MDGA2: variants seen among roughly 807,000 people sequenced by gnomAD.
The protein encoded by MDGA2 is MAM domain-containing glycosylphosphatidylinositol anchor protein 2.
In MDGA2, 40 loss-of-function variants were observed where a neutral mutation model predicts 117.8. The observed-to-expected ratio is 0.34, with a 90% CI of 0.26 to 0.44. MDGA2 has a LOEUF of 0.44. MDGA2 is among the 20% of genes least tolerant of loss of function. The pLI, the probability that MDGA2 is intolerant of heterozygous loss-of-function variation, is 1.00. For synonymous variants in MDGA2, 452 were observed against 439.0 expected (o/e 1.03, Z -0.37); for missense variants, 1,123 against 1,250.6 (o/e 0.90, Z 1.54).
intron 1 of MDGA2, among the ~76,000 whole-genome samples, chr14:47,589,794 C>A (rs7140712): frequency 1.3e-5 from 2 of 151,854 alleles, no homozygotes; most frequent in African/African-American, 4.8e-5. Flanking sequence ...TTCCAATCCA[C>A]GAACACGAGA....
At chr14:47,631,833 A>T (rs1897252390) in intron 1 of MDGA2, among the ~76,000 whole-genome samples, 1 of 151,992 alleles carries the variant, frequency 6.6e-6, no homozygotes, top group African/African-American at 2.4e-5. Context: ...AGCTTGTCCA[A>T]CCCACACCCT....
intron 2 of MDGA2, among the ~76,000 whole-genome samples, chr14:47,238,344 TTTATCCCAGCACAGTGCC>T (rs1256724979): frequency 7.5e-5 from 9 of 120,464 alleles, no homozygotes; most frequent in Non-Finnish European, 1.3e-4. Context: ...TGTTGATTGC[TTTATCCCAGCACAGTGCC>T]TCACACTTAG....
intron 1 of MDGA2, among the ~76,000 whole-genome samples, chr14:47,506,666 T>C (rs1210818737): frequency 2.0e-5 from 3 of 152,338 alleles, no homozygotes; most frequent in South Asian, 2.1e-4. Flanking sequence ...CAAGTCCTAA[T>C]TGAGATGTGT....
chr14:47,200,769 G>A lies in MDGA2; in HGVS notation c.595+17252C>T, dbSNP rs137891957. On this transcript the variant is annotated intron_variant, in intron 3 of 16. Coordinates refer to ENST00000399232, the MANE Select transcript of MDGA2 (RefSeq NM_001113498.3). ...TTCCAGCCAACCTCGTGAGCCAGGC[G>A]CCCCAGTTAGGCAAACTTTCTTGCA... 1.0e-3 allele frequency: 877 copies of A among 836,164 alleles called. 1 individual carries two copies. Among genetic ancestry groups the A allele is most frequent in the Non-Finnish European group, 1.5e-3 (730 of 501,298 alleles). The allele number at this position is 836,164 out of a possible 1,614,324, so 51.8% of individuals were successfully genotyped here. A position where few individuals can be genotyped will look rare whatever the true frequency, so the allele number is the denominator to read the frequency against.
At chr14:47,588,960 T>C (rs1024780202) in intron 1 of MDGA2, among the ~76,000 whole-genome samples, 8 of 151,914 alleles carry the variant, frequency 5.3e-5, no homozygotes, top group Admixed American at 1.3e-4. Flanking sequence ...CCTGCATCAT[T>C]CCACCCTCTG....
At chr14:47,123,691 T>C (rs1250262302) in intron 5 of MDGA2, among the ~76,000 whole-genome samples, 2 of 152,032 alleles carry the variant, frequency 1.3e-5, no homozygotes, top group Admixed American at 6.6e-5. Flanking sequence ...CTATAGATTT[T>C]AGTGGGAAAT....
intron 3 of MDGA2, among the ~76,000 whole-genome samples, chr14:47,217,322 T>C (rs889317613): frequency 2.6e-5 from 4 of 151,864 alleles, no homozygotes; most frequent in African/African-American, 9.7e-5. Context: ...TAGAAAAACC[T>C]GGGCAAAAGA....
chr14:46,865,292 C>G (rs941567335), intron 14 of MDGA2, among the ~76,000 whole-genome samples: 37 of 152,222 alleles, frequency 2.4e-4, no homozygotes, highest in African/African-American at 8.4e-4. Flanking sequence ...GATTAATCCA[C>G]ATGATTATCT....
chr14:47,014,044 C>G (rs1250732816), intron 8 of MDGA2, among the ~76,000 whole-genome samples: 2 of 151,834 alleles, frequency 1.3e-5, no homozygotes, highest in Non-Finnish European at 2.9e-5. Context: ...ATCTGCCCAC[C>G]TTGTCCTCCC....
intron 1 of MDGA2, among the ~76,000 whole-genome samples, chr14:47,517,436 G>T (rs777659686): frequency 3.3e-5 from 5 of 151,950 alleles, no homozygotes; most frequent in Non-Finnish European, 5.9e-5. Flanking sequence ...AAAATATTTA[G>T]AAAGTAAGTT....
At position 47,002,562 on chromosome 14, in the gene MDGA2, T is replaced by C. The variant is rs1212788466; in HGVS notation, c.1819+32449A>G. ...GACCAATATGGCAAAACCCTGTCTCTAATAAACAGAAAAAAAATTAGCCAG... is the reference window on the plus strand; with the variant it reads ...GACCAATATGGCAAAACCCTGTCTCCAATAAACAGAAAAAAAATTAGCCAG... On this transcript the variant is annotated intron_variant, in intron 8 of 16. Transcript: ENST00000399232. Among the ~76,000 whole-genome samples the C allele has an allele frequency of 2.9e-4, 44 of 151,894 alleles. 1 individual carries two copies. Among genetic ancestry groups the C allele is most frequent in the Non-Finnish European group, 2.1e-4 (14 of 67,968 alleles).
chr14:47,359,999 T>C (rs974914841), intron 1 of MDGA2, among the ~76,000 whole-genome samples: 2 of 152,062 alleles, frequency 1.3e-5, no homozygotes, highest in Non-Finnish European at 2.9e-5. Context: ...ATAACCAAAA[T>C]ATGTAAGAAA....
chr14:47,658,098 A>G (rs555115366), intron 1 of MDGA2, among the ~76,000 whole-genome samples: 1 of 152,246 alleles, frequency 6.6e-6, no homozygotes, highest in East Asian at 1.9e-4. Flanking sequence ...CAAAAGTCTC[A>G]AACTCCTGTG....
chr14:46,864,543 C>CTTTT (rs1566496919), intron 14 of MDGA2, among the ~76,000 whole-genome samples: 1 of 17,192 alleles, frequency 5.8e-5, no homozygotes, highest in African/African-American at 1.9e-4. Context: ...GCAGATATTG[C>CTTTT]TGTTTTTTTT....
At chr14:47,232,633 C>T (rs1162453009) in intron 2 of MDGA2, among the ~76,000 whole-genome samples, 2 of 152,202 alleles carry the variant, frequency 1.3e-5, no homozygotes, top group East Asian at 1.9e-4. Context: ...TATGCCACCT[C>T]TACAGCCCCC....
intron 6 of MDGA2, among the ~76,000 whole-genome samples, chr14:47,093,178 C>G (rs1031267236): frequency 6.6e-6 from 1 of 151,950 alleles, no homozygotes; most frequent in African/African-American, 2.4e-5. Context: ...AAAGTGGACC[C>G]AAGCTGGGGA....
At chr14:46,954,577 G>T (rs1161530357) in intron 9 of MDGA2, among the ~76,000 whole-genome samples, 1 of 151,796 alleles carries the variant, frequency 6.6e-6, no homozygotes, top group Non-Finnish European at 1.5e-5. Flanking sequence ...TCAGATTGTG[G>T]TTGCATTACT....
Position 47,159,092 on chromosome 14 carries a change from T to G in MDGA2, c.596-14818A>C, listed in dbSNP as rs546499007. Among the ~76,000 whole-genome samples, 5 of 152,324 alleles carry G rather than the reference T, an allele frequency of 3.3e-5. No homozygotes were observed. The East Asian group carries it at 9.6e-4, about 29-fold the overall frequency. On this transcript the variant is annotated intron_variant, in intron 3 of 16. Transcript: ENST00000399232. ...AGGATTTTTAGGGCAGTGGAACTAC[T>G]CTGTGTGATACTAAAATGGTGGATA...
At chr14:47,466,801 A>C in intron 1 of MDGA2, among the ~76,000 whole-genome samples, 1 of 151,854 alleles carries the variant, frequency 6.6e-6, no homozygotes, top group East Asian at 1.9e-4. Context: ...TATATTGATA[A>C]TATATTACTC....
Sources: gnomAD v4.1 joint callset for allele counts (sites outside exome capture counted in the v4.1 genomes callset) on GRCh38, gnomAD v4.1.1 for gene constraint, MANE v1.5 for transcripts, NCBI Gene and HGNC (gene_info 2026-07-23, HGNC 2026-07-21) for gene names.